Variants in ANKRD31 observed in about 807,000 individuals in gnomAD.
ANKRD31 encodes ankyrin repeat domain-containing protein 31.
ANKRD31 carries 147 observed loss-of-function variants against 186.0 expected under a neutral mutation model. The ratio of observed to expected loss-of-function variants is 0.79; its 90% CI spans 0.69 to 0.91. ANKRD31 has a LOEUF of 0.91. ANKRD31 is among the 40% of genes least tolerant of loss of function. The probability of loss-of-function intolerance (pLI) is 0.00; values close to 1 mark genes in which losing one functional copy is unlikely to be tolerated. For missense variants in ANKRD31, 1,986 were observed against 2,148.8 expected (o/e 0.92, Z 1.50); for synonymous variants, 673 against 736.4 (o/e 0.91, Z 1.39).
chr5:75,101,381 G>A (rs2150050860), intron 22 of ANKRD31, among the ~76,000 whole-genome samples: 1 of 152,072 alleles, frequency 6.6e-6, no homozygotes, highest in Middle Eastern at 3.4e-3. Flanking sequence ...TTCAACTTTG[G>A]TGAATCTGAC....
chr5:75,215,383 G>A (rs1411443004), intron 3 of ANKRD31, among the ~76,000 whole-genome samples: 2 of 152,052 alleles, frequency 1.3e-5, no homozygotes, highest in African/African-American at 2.4e-5. Context: ...CAGCCAAGTT[G>A]ACACATAAAA....
At chr5:75,099,278 A>T (rs910291847) in intron 22 of ANKRD31, among the ~76,000 whole-genome samples, 1 of 152,210 alleles carries the variant, frequency 6.6e-6, no homozygotes, top group African/African-American at 2.4e-5. Flanking sequence ...CCAGGGATGA[A>T]GCCCACTTGA....
chr5:75,184,545 T>C (rs1009923666), intron 10 of ANKRD31, among the ~76,000 whole-genome samples: 1 of 151,638 alleles, frequency 6.6e-6, no homozygotes, highest in Non-Finnish European at 1.5e-5. Flanking sequence ...AACAACTCAA[T>C]AGCCAAAAAA....
At chr5:75,152,622 G>A (rs2150156056) in intron 12 of ANKRD31, among the ~76,000 whole-genome samples, 1 of 152,088 alleles carries the variant, frequency 6.6e-6, no homozygotes, top group Admixed American at 6.6e-5. Context: ...TTTTGTTTCA[G>A]AGGACTGACA....
At chr5:75,165,260 C>A (rs1752840272) in intron 11 of ANKRD31, among the ~76,000 whole-genome samples, 1 of 151,484 alleles carries the variant, frequency 6.6e-6, no homozygotes, top group Non-Finnish European at 1.5e-5. Flanking sequence ...TCAACTTGTA[C>A]TTCAAAAGAC....
intron 11 of ANKRD31, among the ~76,000 whole-genome samples, chr5:75,168,026 T>C (rs911513367): frequency 6.6e-6 from 1 of 152,130 alleles, no homozygotes; most frequent in African/African-American, 2.4e-5. Context: ...TCTCTCCTCC[T>C]AGTCCTCTAA....
In ANKRD31 at chr5:75,133,795, C is replaced by T. The variant is rs12608066; in HGVS notation, c.3876+4061G>A. On this transcript the variant is annotated intron_variant, in intron 17 of 25. Transcript: ENST00000506364. ...GCACTCCTCAGCAAATATAAAAGAA[C>T]GGAAATTATAACAAACTGTCTCTCA... is the stretch of plus-strand genomic sequence containing the variant. 1.1e-4 allele frequency among the ~76,000 whole-genome samples: 17 copies of T among 152,214 alleles called. No homozygotes were observed. The Middle Eastern group carries it at 0.02, about 183-fold the overall frequency.
chr5:75,157,692 C>T lies in ANKRD31; in HGVS notation c.1708-3347G>A, dbSNP rs556779418. 6.6e-5 allele frequency among the ~76,000 whole-genome samples: 10 copies of T among 152,260 alleles called. No homozygotes were observed. In the South Asian group the frequency reaches 1.9e-3, roughly 28 times the overall value. On this transcript the variant is annotated intron_variant, in intron 11 of 25. Transcript: ENST00000506364. ...AAATATCTGTGAAAGATCCTGTTGT[C>T]TAGTGGCATGAATCCCTGATCTATG...
chr5:75,162,248 C>T (rs1752617014), intron 11 of ANKRD31, among the ~76,000 whole-genome samples: 1 of 152,222 alleles, frequency 6.6e-6, no homozygotes, highest in Non-Finnish European at 1.5e-5. Flanking sequence ...TGGAAACCCA[C>T]CTCTAGTATC....
chr5:75,220,837 T>C (rs1190169881), intron 3 of ANKRD31, among the ~76,000 whole-genome samples: 1 of 152,052 alleles, frequency 6.6e-6, no homozygotes, highest in African/African-American at 2.4e-5. Context: ...CAGTGGCTTA[T>C]GCTTGTAACC....
At position 75,146,339 on chromosome 5, in the gene ANKRD31, C is replaced by G; in HGVS notation, c.3072G>C (p.Leu1024Phe). 6.5e-7 allele frequency: 1 copy of G among 1,536,568 alleles called. No homozygotes were observed. The highest frequency in any genetic ancestry group is 8.7e-7 in the Non-Finnish European group (1 of 1,146,522). Residue 1024 changes from leucine to phenylalanine, a missense_variant, in exon 14 of 26, where the codon TTG becomes TTC. Transcript: ENST00000506364. ...TTTTGAATAGCTCCACATGATTAGTCAACTTTGAAGCCTCATGTGTCAAAA... is the reference window on the plus strand; with the variant it reads ...TTTTGAATAGCTCCACATGATTAGTGAACTTTGAAGCCTCATGTGTCAAAA... ...RTLLTHEASK[L>F]TNHVELFKKP...
intron 3 of ANKRD31, among the ~76,000 whole-genome samples, chr5:75,221,015 CT>C (rs1233614958): frequency 4.6e-5 from 7 of 152,128 alleles, no homozygotes; most frequent in African/African-American, 1.7e-4. Flanking sequence ...AGATCATGTC[CT>C]TTGCAGCAAC....
At chr5:75,216,498 T>C (rs1474075850) in intron 3 of ANKRD31, among the ~76,000 whole-genome samples, 3 of 152,178 alleles carry the variant, frequency 2.0e-5, no homozygotes, top group Non-Finnish European at 4.4e-5. Flanking sequence ...CCAGAGGAAA[T>C]AAATATTACT....
At chr5:75,171,888 A>C (rs532011438) in intron 10 of ANKRD31, among the ~76,000 whole-genome samples, 2 of 152,016 alleles carry the variant, frequency 1.3e-5, no homozygotes, top group South Asian at 4.1e-4. Context: ...AAATTCATTC[A>C]GAAAATAGAA....
In ANKRD31 at chr5:75,146,027, T is replaced by C; in HGVS notation, c.3384A>G (p.Lys1128=). 1 of 1,503,196 alleles carries C rather than the reference T, an allele frequency of 6.7e-7. No individual in the cohort carries two copies. The highest frequency in any genetic ancestry group is 2.5e-5 in the East Asian group (1 of 40,556). The allele number at this position is 1,503,196 out of a possible 1,614,324, so 93.1% of individuals were successfully genotyped here. A position where few individuals can be genotyped will look rare whatever the true frequency, so the allele number is the denominator to read the frequency against. Reference sequence around the variant, plus strand: ...TTTCCTTCTTTTCTCTTTGACTAAGTTTTGAGATGTTGGCCAATTCTTTAC... The same window carrying C: ...TTTCCTTCTTTTCTCTTTGACTAAGCTTTGAGATGTTGGCCAATTCTTTAC... ...NMSKELANIS[K]LSQREKKEIS... The change falls in exon 14 of 26, where the codon AAA becomes AAG. Residue 1128 remains lysine (K), a synonymous_variant. Coordinates refer to ENST00000506364, the MANE Select transcript of ANKRD31 (RefSeq NM_001372053.1).
At position 75,192,793 on chromosome 5, in the gene ANKRD31, T is replaced by A. The variant is rs1755203350; in HGVS notation, c.1299-17A>T. On this transcript the variant is annotated splice_polypyrimidine_tract_variant and intron_variant, in intron 8 of 25. Coordinates refer to ENST00000506364, the MANE Select transcript of ANKRD31 (RefSeq NM_001372053.1). ...TCCTGCATTCTTGAAAAACAACGTA[T>A]TTTTTAAATGGCTATAACGGTTTTT... 1 of 1,492,416 alleles carries A rather than the reference T, an allele frequency of 6.7e-7. No homozygotes were observed. The highest frequency in any genetic ancestry group is 1.4e-5 in the African/African-American group (1 of 71,432). 92.4% of individuals were successfully genotyped at this position (1,492,416 alleles called of 1,614,324 possible).
intron 1 of ANKRD31, among the ~76,000 whole-genome samples, chr5:75,231,782 G>C (rs1757965570): frequency 6.6e-6 from 1 of 152,084 alleles, no homozygotes; most frequent in South Asian, 2.1e-4. Context: ...CTGAGTAGCT[G>C]AGTAATCCCA....
At chr5:75,128,590 C>T (rs181730855) in intron 17 of ANKRD31, among the ~76,000 whole-genome samples, 21 of 151,462 alleles carry the variant, frequency 1.4e-4, no homozygotes, top group South Asian at 4.2e-4. Flanking sequence ...CTGCAAGCTC[C>T]GCCTCCCAGG....
chr5:75,077,947 A>G (rs1744791679), intron 25 of ANKRD31, among the ~76,000 whole-genome samples: 1 of 151,660 alleles, frequency 6.6e-6, no homozygotes, highest in Middle Eastern at 3.4e-3. Context: ...AAAAAAAAAA[A>G]AAAAAAAAAT....
Sources: allele counts gnomAD v4.1 joint callset (sites outside exome capture counted in the v4.1 genomes callset), GRCh38; gene constraint gnomAD v4.1.1; transcripts MANE v1.5; gene names NCBI Gene and HGNC (gene_info 2026-07-23, HGNC 2026-07-21).